The following TRIM24 variants were observed in gnomAD, a reference collection of about 807,000 sequenced individuals.
TRIM24 encodes transcription intermediary factor 1-alpha.
In TRIM24, 29 loss-of-function variants were observed where a neutral mutation model predicts 123.9. The observed-to-expected ratio is 0.23, with a 90% CI of 0.17 to 0.32. TRIM24 has a LOEUF of 0.32. Ranked by LOEUF, TRIM24 falls within the 10% of genes least tolerant of loss-of-function variation. The pLI, the probability that TRIM24 is intolerant of heterozygous loss-of-function variation, is 1.00. For missense variants in TRIM24, 932 were observed against 1,295.3 expected, an observed-to-expected ratio of 0.72 and a Z score of 4.31; for synonymous variants, 456 against 461.1, an observed-to-expected ratio of 0.99 and a Z score of 0.14.
chr7:138,566,123 G>A (rs1797530038), intron 9 of TRIM24, among the ~76,000 whole-genome samples: 1 of 152,092 alleles, frequency 6.6e-6, no homozygotes, highest in African/African-American at 2.4e-5. Flanking sequence ...AGGGAAACTT[G>A]TTTTTCTCTT....
At chr7:138,501,669 C>T (rs971504490) in intron 1 of TRIM24, among the ~76,000 whole-genome samples, 16 of 151,874 alleles carry the variant, frequency 1.1e-4, no homozygotes, top group Admixed American at 6.6e-5. Context: ...GGACAGATCA[C>T]GAGGTCAGGA....
intron 9 of TRIM24, among the ~76,000 whole-genome samples, chr7:138,557,970 C>T (rs1797350186): frequency 6.6e-6 from 1 of 152,196 alleles, no homozygotes; most frequent in Admixed American, 6.5e-5. Context: ...CATCATCTTT[C>T]TAATTCCTAT....
Position 138,460,700 on chromosome 7 carries a change from A to T in TRIM24, c.152A>T (p.Asn51Ile), listed in dbSNP as rs749300058. The T allele has an allele frequency of 3.8e-5, 59 of 1,555,796 alleles. No individual in the cohort carries two copies. The highest frequency in any genetic ancestry group is 5.0e-5 in the Non-Finnish European group (58 of 1,155,696). The change falls in exon 1 of 19, where the codon AAC becomes ATC. Residue 51 changes from asparagine to isoleucine, a missense_variant. Physicochemically the swap from Asn to Ile is moderately radical, Grantham distance 149. Around this residue, in one of 7 missense-constraint regions of TRIM24, gnomAD observed 164 missense variants for 181.9 expected, o/e 0.90. Coordinates refer to ENST00000343526, the MANE Select transcript of TRIM24 (RefSeq NM_015905.3). ...SERGGEAARLNLLDTCAVCHQ... is the reference protein window; with the variant it reads ...SERGGEAARLILLDTCAVCHQ... ...CGCGGCGGCGAGGCGGCCCGGCTCAACCTGTTGGACACTTGCGCCGTGTGC... is the reference window on the plus strand; with the variant it reads ...CGCGGCGGCGAGGCGGCCCGGCTCATCCTGTTGGACACTTGCGCCGTGTGC...
At chr7:138,517,030 G>C (rs1796412592) in intron 3 of TRIM24, among the ~76,000 whole-genome samples, 1 of 151,668 alleles carries the variant, frequency 6.6e-6, no homozygotes, top group Non-Finnish European at 1.5e-5. Context: ...ACTTGAACCA[G>C]GGAGCTCGAA....
intron 4 of TRIM24, among the ~76,000 whole-genome samples, chr7:138,521,938 T>C (rs546460196): frequency 6.6e-6 from 1 of 152,240 alleles, no homozygotes; most frequent in African/African-American, 2.4e-5. Context: ...GAAAACTCCA[T>C]AGTCACAGTG....
rs761601860 is a variant in TRIM24, at chr7:138,460,907, C to T, written c.359C>T (p.Thr120Ile). The T allele has an allele frequency of 1.3e-6, 2 of 1,494,112 alleles. No individual in the cohort carries two copies. Among genetic ancestry groups the T allele is most frequent in the African/African-American group, 2.9e-5 (2 of 69,406 alleles). 92.6% of individuals were successfully genotyped at this position (1,494,112 alleles called of 1,614,324 possible). The change falls in exon 1 of 19, where the codon ACC (threonine) becomes ATC (isoleucine). Residue 120 changes from threonine to isoleucine, a missense_variant. Around this residue, in one of 7 missense-constraint regions of TRIM24, gnomAD observed 164 missense variants for 181.9 expected, o/e 0.90. Transcript: ENST00000343526. ...SPVSGSSPFATQVGVIRCPVC... is the reference protein window; with the variant it reads ...SPVSGSSPFAIQVGVIRCPVC... ...GTCAGCGGCTCGTCGCCGTTCGCCA[C>T]CCAAGGTGAGAACCGGCCGCGGCCG...
intron 5 of TRIM24, 48 bp downstream of exon 5, chr7:138,525,405 T>C: frequency 9.2e-7 from 1 of 1,090,744 alleles, no homozygotes; most frequent in Non-Finnish European, 1.3e-6. Context: ...TTGTTAAGTA[T>C]ATTCACTTTT....
intron 1 of TRIM24, among the ~76,000 whole-genome samples, chr7:138,464,063 C>T (rs1445376380): frequency 4.6e-5 from 6 of 131,128 alleles, no homozygotes; most frequent in Non-Finnish European, 7.8e-5. Context: ...GGTGCGATCT[C>T]GGCTCACTGC....
chr7:138,469,944 G>C (rs1285617613), intron 1 of TRIM24, among the ~76,000 whole-genome samples: 1 of 152,050 alleles, frequency 6.6e-6, no homozygotes, highest in Non-Finnish European at 1.5e-5. Flanking sequence ...CAGGACCAAA[G>C]GATGTGTGCC....
At chr7:138,492,997 C>A (rs780997370) in intron 1 of TRIM24, among the ~76,000 whole-genome samples, 1 of 152,048 alleles carries the variant, frequency 6.6e-6, no homozygotes, top group Non-Finnish European at 1.5e-5. Context: ...GTTTCTTCTT[C>A]CTGCTCAAAT....
chr7:138,486,235 A>T (rs1414610431), intron 1 of TRIM24, among the ~76,000 whole-genome samples: 1 of 152,178 alleles, frequency 6.6e-6, no homozygotes, highest in East Asian at 1.9e-4. Context: ...TCTGGATATT[A>T]GCCCTTTGTC....
intron 12 of TRIM24, among the ~76,000 whole-genome samples, chr7:138,576,069 G>C (rs1241084407): frequency 6.6e-6 from 1 of 152,134 alleles, no homozygotes; most frequent in Non-Finnish European, 1.5e-5. Context: ...GGGAAGTATA[G>C]AGAGATGCCA....
chr7:138,543,721 A>G (rs962294444), intron 7 of TRIM24, among the ~76,000 whole-genome samples: 15 of 152,208 alleles, frequency 9.9e-5, no homozygotes, highest in African/African-American at 3.4e-4. Context: ...CCATTATCCT[A>G]CTTACCTTGT....
intron 1 of TRIM24, among the ~76,000 whole-genome samples, chr7:138,473,810 C>T (rs1336221232): frequency 6.6e-6 from 1 of 152,150 alleles, no homozygotes; most frequent in East Asian, 1.9e-4. Flanking sequence ...CAAATTTGGA[C>T]AATAGAAACC....
intron 6 of TRIM24, among the ~76,000 whole-genome samples, chr7:138,529,994 A>G (rs1796695969): frequency 6.6e-6 from 1 of 152,196 alleles, no homozygotes; most frequent in South Asian, 2.1e-4. Flanking sequence ...TTCTAGAAAT[A>G]ATTTAGGTCA....
intron 3 of TRIM24, 121 bp downstream of exon 3, chr7:138,515,480 A>C: frequency 8.3e-7 from 1 of 1,197,792 alleles, no homozygotes; most frequent in Non-Finnish European, 1.1e-6. Context: ...TTTTAAGTAA[A>C]AGAGGTTTAT....
chr7:138,587,975 A>C lies in TRIM24; in HGVS notation c.*3024A>C, dbSNP rs1400606128. On this transcript the variant is annotated 3_prime_UTR_variant, in exon 19 of 19. Coordinates refer to ENST00000343526, the MANE Select transcript of TRIM24 (RefSeq NM_015905.3). ...GTCTTTTCTGAATGGAAGGGTAGGA[A>C]AGTGGAAGGTACTAAAAAGGAAAAT... 2.0e-5 allele frequency: 3 copies of C among 152,222 alleles called. No homozygotes were observed. The highest frequency in any genetic ancestry group is 7.2e-5 in the African/African-American group (3 of 41,468). 9.4% of individuals were successfully genotyped at this position (152,222 alleles called of 1,614,324 possible). A position where few individuals can be genotyped will look rare whatever the true frequency, so the allele number is the denominator to read the frequency against.
intron 5 of TRIM24, 77 bp from the exon 6 acceptor site, chr7:138,529,039 A>T (rs1191968790): frequency 1.2e-6 from 1 of 832,882 alleles, no homozygotes. Flanking sequence ...ATTTTGGTCT[A>T]ATTTAGACAT....
chr7:138,492,976 T>G (rs1483454932), intron 1 of TRIM24, among the ~76,000 whole-genome samples: 2 of 152,214 alleles, frequency 1.3e-5, no homozygotes, highest in African/African-American at 4.8e-5. Flanking sequence ...TATTTTATCT[T>G]CAAGTTTGCT....
Sources: allele counts gnomAD v4.1 joint callset (sites outside exome capture counted in the v4.1 genomes callset), GRCh38; gene constraint gnomAD v4.1.1; regional missense constraint gnomAD v4.1.1; transcripts MANE v1.5; gene names NCBI Gene and HGNC (gene_info 2026-07-23, HGNC 2026-07-21).